Variants in LRPPRC observed in about 807,000 individuals in gnomAD.
The protein encoded by LRPPRC is leucine rich pentatricopeptide repeat containing.
Under a neutral mutation model 180.3 loss-of-function variants are expected in LRPPRC, and 120 were observed. The ratio of observed to expected loss-of-function variants is 0.67; its 90% confidence interval spans 0.57 to 0.77. The LOEUF (loss-of-function observed/expected upper bound fraction) is 0.77, where lower values mean the gene tolerates loss of function less well. Among genes scored for constraint, LRPPRC ranks in the 30% least tolerant of loss-of-function variants. The probability of loss-of-function intolerance (pLI) is 0.00; values close to 1 mark genes in which losing one functional copy is unlikely to be tolerated. For missense variants in LRPPRC, 2,012 were observed against 1,657.2 expected (o/e 1.21, Z -3.72); for synonymous variants, 723 against 600.0 (o/e 1.21, Z -3.00).
Position 43,946,088 on chromosome 2 carries a change from C to T in LRPPRC, c.2210+25G>A. 3.7e-6 allele frequency: 6 copies of T among 1,609,998 alleles called. No homozygotes were observed. In the South Asian group the frequency reaches 4.4e-5, roughly 12 times the overall value. On this transcript the variant is annotated intron_variant, in intron 21 of 37. Coordinates refer to ENST00000260665, the MANE Select transcript of LRPPRC (RefSeq NM_133259.4). ...TGTAGAGCAGAATAAATGTTGACAACTTGTTTCAGTGCCAGGGTACTCACA... is the reference window on the plus strand; with the variant it reads ...TGTAGAGCAGAATAAATGTTGACAATTTGTTTCAGTGCCAGGGTACTCACA...
At chr2:43,918,790 TAG>T (rs1491074490) in intron 27 of LRPPRC, among the ~76,000 whole-genome samples, 13 of 25,390 alleles carry the variant, frequency 5.1e-4, no homozygotes, top group East Asian at 0.05. Flanking sequence ...TATATATATA[TAG>T]ATATATATAT....
In LRPPRC at chr2:43,888,497, A is replaced by G; in HGVS notation, c.*103T>C. On this transcript the variant is annotated 3_prime_UTR_variant, in exon 38 of 38. Coordinates refer to ENST00000260665, the MANE Select transcript of LRPPRC (RefSeq NM_133259.4). Reference sequence around the variant, plus strand: ...GAACATGCATCACACATACATAAGTACATAAAGAAAATTTTCATTTATTTT... The same window carrying G: ...GAACATGCATCACACATACATAAGTGCATAAAGAAAATTTTCATTTATTTT... The G allele has an allele frequency of 2.7e-6, 2 of 748,192 alleles. No homozygotes were observed. The highest frequency in any genetic ancestry group is 4.8e-6 in the Non-Finnish European group (2 of 419,264). The allele number at this position is 748,192 out of a possible 1,614,324, so 46.3% of individuals were successfully genotyped here.
chr2:43,896,572 T>A, intron 35 of LRPPRC, 62 bp downstream of exon 35: 1 of 1,054,466 alleles, frequency 9.5e-7, no homozygotes. Context: ...TATGTTAAAT[T>A]CAATACTTCT....
rs556258407 is a variant in LRPPRC at position 43,948,881 on chromosome 2, G to A, written c.1736-363C>T. On this transcript the variant is annotated intron_variant, in intron 16 of 37. Transcript: ENST00000260665. ...AATGTCTTGTACACATTTCTATACT[G>A]TTTTTTTTTTGTGGACAATATTTAG... Among the ~76,000 whole-genome samples, 435 of 146,442 alleles carry A rather than the reference G, an allele frequency of 3.0e-3. 2 individuals carry two copies. The highest frequency in any genetic ancestry group is 4.5e-3 in the Non-Finnish European group (296 of 66,138).
At position 43,974,709 on chromosome 2, in the gene LRPPRC, A is replaced by G. The variant is rs776635567; in HGVS notation, c.914T>C (p.Leu305Ser). Residue 305 changes from leucine (L) to serine (S), a missense_variant, in exon 8 of 38, where the codon TTA becomes TCA. Leu to Ser is a moderately radical substitution (Grantham distance 145). Transcript: ENST00000260665. ...ACTGAAGCTAAAAATAATTTGCAGTAAATCACGGTCCATAAGGTGAAGCTC... is the reference window on the plus strand; with the variant it reads ...ACTGAAGCTAAAAATAATTTGCAGTGAATCACGGTCCATAAGGTGAAGCTC... ...KSELHLMDRD[L>S]LQIIFSFSKA... is the part of the protein sequence containing the mutation. The G allele has an allele frequency of 6.2e-7, 1 of 1,613,734 alleles. No individual in the cohort carries two copies. The highest frequency in any genetic ancestry group is 1.1e-5 in the South Asian group (1 of 91,068).
chr2:43,985,604 G>C (rs746821924), intron 1 of LRPPRC, among the ~76,000 whole-genome samples: 1 of 152,098 alleles, frequency 6.6e-6, no homozygotes, highest in Non-Finnish European at 1.5e-5. Flanking sequence ...TTTCAGATTG[G>C]CTTCTTTCAC....
chr2:43,946,266 A>G (rs376001859), intron 20 of LRPPRC, 23 bp from the exon 21 acceptor site: 4 of 1,600,138 alleles, frequency 2.5e-6, no homozygotes, highest in Middle Eastern at 1.7e-4. Context: ...ATAGATGTGA[A>G]AAAGAAGAAA....
At chr2:43,995,721 C>T in intron 1 of LRPPRC, 78 bp downstream of exon 1, 1 of 1,275,212 alleles carries the variant, frequency 7.8e-7, no homozygotes, top group Non-Finnish European at 1.0e-6. Flanking sequence ...ACAGGCAGGA[C>T]CCGGTCCCTG....
intron 23 of LRPPRC, among the ~76,000 whole-genome samples, chr2:43,940,100 A>G (rs1672425816): frequency 6.6e-6 from 1 of 152,156 alleles, no homozygotes; most frequent in Admixed American, 6.5e-5. Flanking sequence ...CGACCCAATG[A>G]TCCTTGACGA....
At chr2:43,932,123 C>CAAAA (rs746600862) in intron 25 of LRPPRC, among the ~76,000 whole-genome samples, 1,892 of 20,854 alleles carry the variant, frequency 0.091, 596 homozygotes, top group East Asian at 0.29. Context: ...GACCCTGTCT[C>CAAAA]AAAAAAAAAA....
intron 34 of LRPPRC, among the ~76,000 whole-genome samples, chr2:43,897,918 G>A (rs957252395): frequency 6.6e-6 from 1 of 151,784 alleles, no homozygotes; most frequent in African/African-American, 2.4e-5. Flanking sequence ...ATATGTATAT[G>A]CTTATTATAC....
intron 18 of LRPPRC, 132 bp from the exon 19 acceptor site, chr2:43,947,907 C>T (rs1001063774): frequency 1.4e-6 from 1 of 697,060 alleles, no homozygotes; most frequent in African/African-American, 1.8e-5. Flanking sequence ...TAGACATTCT[C>T]TTCATACTTT....
At chr2:43,930,821 G>A (rs193263805) in intron 25 of LRPPRC, among the ~76,000 whole-genome samples, 1 of 152,294 alleles carries the variant, frequency 6.6e-6, no homozygotes, top group East Asian at 1.9e-4. Context: ...GGGTTCGTGA[G>A]TTCTAGTCCA....
chr2:43,982,357 G>C lies in LRPPRC; in HGVS notation c.227C>G (p.Ser76Cys), dbSNP rs771415963. ...ATCAAACTGATTGGAAATCTTCCTA[G>C]AAGAAAAAGTGGACTCCTCTTGAAT... ...KDIQEESTFS[S>C]RKISNQFDWA... is the part of the protein sequence containing the mutation. The change falls in exon 2 of 38, where the codon TCT becomes TGT. Residue 76 changes from serine (S) to cysteine (C), a missense_variant. Ser to Cys is a moderately radical substitution (Grantham distance 112). Coordinates refer to ENST00000260665, the MANE Select transcript of LRPPRC (RefSeq NM_133259.4). 1.9e-6 allele frequency: 3 copies of C among 1,613,752 alleles called. No homozygotes were observed. The highest frequency in any genetic ancestry group is 2.5e-6 in the Non-Finnish European group (3 of 1,179,698).
At chr2:43,920,700 A>T (rs1671669515) in intron 27 of LRPPRC, among the ~76,000 whole-genome samples, 1 of 146,914 alleles carries the variant, frequency 6.8e-6, no homozygotes, top group African/African-American at 2.5e-5. Context: ...AAAAAAAAAA[A>T]TCCAAGCCTC....
At chr2:43,895,116 C>T (rs1670634049) in intron 35 of LRPPRC, among the ~76,000 whole-genome samples, 1 of 152,150 alleles carries the variant, frequency 6.6e-6, no homozygotes, top group South Asian at 2.1e-4. Context: ...TCGGCTATGG[C>T]TTTATTTCCT....
chr2:43,892,357 CACTT>C (rs944642790), intron 36 of LRPPRC, among the ~76,000 whole-genome samples: 10 of 152,188 alleles, frequency 6.6e-5, no homozygotes, highest in African/African-American at 2.4e-4. Flanking sequence ...TGCCAATGCT[CACTT>C]ACCATTCCCA....
At chr2:43,914,687 C>T (rs1206989086) in intron 29 of LRPPRC, among the ~76,000 whole-genome samples, 4 of 151,870 alleles carry the variant, frequency 2.6e-5, no homozygotes, top group Non-Finnish European at 4.4e-5. Context: ...AAGATTTGCG[C>T]CACCGCACTC....
At chr2:43,904,111 T>TA (rs1326233406) in intron 31 of LRPPRC, among the ~76,000 whole-genome samples, 2 of 152,016 alleles carry the variant, frequency 1.3e-5, no homozygotes, top group African/African-American at 4.8e-5. Context: ...CCTGGCTATT[T>TA]AAAAATTTTT....
Sources: gnomAD v4.1 joint callset for allele counts (sites outside exome capture counted in the v4.1 genomes callset) on GRCh38, gnomAD v4.1.1 for gene constraint, MANE v1.5 for transcripts, NCBI Gene and HGNC (gene_info 2026-07-23, HGNC 2026-07-21) for gene names.